Variants in KIF13A observed in about 807,000 individuals in gnomAD.
KIF13A encodes kinesin-like protein KIF13A.
In KIF13A, 79 loss-of-function variants were observed where a neutral mutation model predicts 212.2. The ratio of observed to expected loss-of-function variants is 0.37; its 90% CI spans 0.31 to 0.45. The LOEUF (loss-of-function observed/expected upper bound fraction) is 0.45, where lower values mean the gene tolerates loss of function less well. Ranked by LOEUF, KIF13A falls within the 20% of genes least tolerant of loss-of-function variation. KIF13A has a pLI of 1.00. For missense variants in KIF13A, 1,901 were observed against 2,209.0 expected (o/e 0.86, Z 2.79); for synonymous variants, 789 against 808.6 (o/e 0.98, Z 0.41).
intron 4 of KIF13A, among the ~76,000 whole-genome samples, chr6:17,863,361 A>G (rs1769021147): frequency 6.6e-6 from 1 of 150,768 alleles, no homozygotes; most frequent in South Asian, 2.1e-4. Flanking sequence ...CTATTATAAG[A>G]AAAATACTTT....
intron 4 of KIF13A, among the ~76,000 whole-genome samples, chr6:17,865,980 AAGG>A (rs555428717): frequency 1.5e-3 from 221 of 152,282 alleles, no homozygotes; most frequent in Admixed American, 3.6e-3. Flanking sequence ...CTGATTCACC[AAGG>A]AGGAGGTCAT....
Position 17,799,582 on chromosome 6 carries a change from C to T in KIF13A, c.2617-143G>A. The T allele has an allele frequency of 2.9e-6, 2 of 685,790 alleles. No individual in the cohort carries two copies. The highest frequency in any genetic ancestry group is 3.6e-5 in the African/African-American group (2 of 55,590). The allele number at this position is 685,790 out of a possible 1,614,324, so 42.5% of individuals were successfully genotyped here. A position where few individuals can be genotyped will look rare whatever the true frequency, so the allele number is the denominator to read the frequency against. ...AAATATTATATCTGACACCGTGACA[C>T]TAAGGGTTGTATCGATAATGAAATC... is the stretch of plus-strand genomic sequence containing the variant. On this transcript the variant is annotated intron_variant, in intron 21 of 38. Transcript: ENST00000259711. This position sits in a 1 kb window ranked among gnomAD's most constrained non-coding sequence, Gnocchi z 4.4.
chr6:17,876,675 T>C (rs1770589979), intron 3 of KIF13A, among the ~76,000 whole-genome samples: 1 of 151,884 alleles, frequency 6.6e-6, no homozygotes, highest in South Asian at 2.1e-4. Flanking sequence ...GGTCTCCCTC[T>C]GTTGCCCAGA....
At chr6:17,815,173 T>C (rs1213972907) in intron 17 of KIF13A, among the ~76,000 whole-genome samples, 1 of 152,246 alleles carries the variant, frequency 6.6e-6, no homozygotes, top group Non-Finnish European at 1.5e-5. Flanking sequence ...ATTTCTTCTA[T>C]GTATTTCAAA....
chr6:17,886,288 G>C lies in KIF13A; in HGVS notation c.159+11880C>G, dbSNP rs556716976. Among the ~76,000 whole-genome samples the C allele has an allele frequency of 6.6e-6, 1 of 152,274 alleles. No homozygotes were observed. Among genetic ancestry groups the C allele is most frequent in the African/African-American group, 2.4e-5 (1 of 41,546 alleles). ...CCCTCTGCCTCACTGCACCATGCCA[G>C]GTACATAGAGCCACAGAGAGGAGAA... On this transcript the variant is annotated intron_variant, in intron 3 of 38. Transcript: ENST00000259711. The surrounding 1 kb of genome is among the most constrained non-coding windows in gnomAD (Gnocchi z 5.6).
At chr6:17,760,337 CG>C, downstream of KIF13A, 1 of 152,364 alleles carries the variant, frequency 6.6e-6, no homozygotes, top group East Asian at 1.9e-4. Context: ...TGCTTTGTAA[CG>C]AAGTCCAGTA....
chr6:17,869,676 T>C (rs559391129), intron 4 of KIF13A, among the ~76,000 whole-genome samples: 2 of 152,338 alleles, frequency 1.3e-5, no homozygotes, highest in South Asian at 4.1e-4. Flanking sequence ...AATCAGAAAG[T>C]GGGAGCGTGG....
downstream of KIF13A, chr6:17,759,277 A>G (rs760618976): frequency 2.6e-5 from 4 of 152,104 alleles, no homozygotes; most frequent in Non-Finnish European, 5.9e-5. Context: ...TTTGTATTCT[A>G]AAACACATAC....
At position 17,823,445 on chromosome 6, in the gene KIF13A, CCTCT is replaced by C. The variant is rs569607721; in HGVS notation, c.1786+2319_1786+2322del. On this transcript the variant is annotated intron_variant, in intron 16 of 38. Coordinates refer to ENST00000259711, the MANE Select transcript of KIF13A (RefSeq NM_022113.6). ...CCACTTCCCCCTCCCTGCCTTCCTCCCTCTCTTTTTCCTTCCTTCCTTTCTTTCC... is the reference window on the plus strand; with the variant it reads ...CCACTTCCCCCTCCCTGCCTTCCTCCCTTTTTCCTTCCTTCCTTTCTTTCC... 6.1e-3 allele frequency among the ~76,000 whole-genome samples: 899 copies of C among 147,524 alleles called. 11 individuals carry two copies. Among genetic ancestry groups the C allele is most frequent in the African/African-American group, 0.021 (832 of 40,150 alleles).
chr6:17,913,812 G>A (rs905650615), intron 2 of KIF13A, among the ~76,000 whole-genome samples: 4 of 152,158 alleles, frequency 2.6e-5, no homozygotes, highest in Non-Finnish European at 5.9e-5. Context: ...CGCAAAATGG[G>A]ACAGAAAGGC....
At chr6:17,938,848 C>A (rs1454430125) in intron 2 of KIF13A, among the ~76,000 whole-genome samples, 2 of 143,658 alleles carry the variant, frequency 1.4e-5, no homozygotes, top group African/African-American at 5.2e-5. Flanking sequence ...TACCCAGCAA[C>A]GAAAAAGTTG....
Position 17,837,545 on chromosome 6 carries a change from G to A in KIF13A, c.869C>T (p.Ala290Val). The change falls in exon 10 of 39, where the codon GCT becomes GTT. Residue 290 changes from alanine (A) to valine (V), a missense_variant. Around this residue, in one of 5 missense-constraint regions of KIF13A, gnomAD observed 506 missense variants for 637.4 expected, o/e 0.79. Transcript: ENST00000259711. The surrounding 1 kb of genome is among the most constrained non-coding windows in gnomAD (Gnocchi z 5.4). ...TTTACCCTTGCCAGCTGCCTGGTCA[G>A]CCAGTGATGATATAACCAACCCCAA... is the stretch of plus-strand genomic sequence containing the variant. ...TTLGLVISSLADQAAGKGKSK... is the reference protein window; with the variant it reads ...TTLGLVISSLVDQAAGKGKSK... 1.9e-6 allele frequency: 3 copies of A among 1,609,216 alleles called. No individual in the cohort carries two copies. Among genetic ancestry groups the A allele is most frequent in the Non-Finnish European group, 1.7e-6 (2 of 1,177,650 alleles).
In KIF13A at chr6:17,809,282, A is replaced by G. The variant is rs1763231936; in HGVS notation, c.2001-352T>C. 6.6e-6 allele frequency among the ~76,000 whole-genome samples: 1 copy of G among 152,194 alleles called. No homozygotes were observed. The highest frequency in any genetic ancestry group is 1.5e-5 in the Non-Finnish European group (1 of 68,020). ...GTGTGCTGAGGGAGGGTGGTGGGGC[A>G]GGGAGGGGTTGGCAGATGAGAGAAA... is the stretch of plus-strand genomic sequence containing the variant. On this transcript the variant is annotated intron_variant, in intron 17 of 38. Coordinates refer to ENST00000259711, the MANE Select transcript of KIF13A (RefSeq NM_022113.6). The surrounding 1 kb of genome is among the most constrained non-coding windows in gnomAD (Gnocchi z 4.7).
Position 17,987,519 on chromosome 6 carries a change from C to G in KIF13A, c.-56G>C. On this transcript the variant is annotated 5_prime_UTR_variant, in exon 1 of 39. The change abolishes the stop of an existing upstream ORF in the 5' untranslated region. Transcript: ENST00000259711. This position sits in a 1 kb window ranked among gnomAD's most constrained non-coding sequence, Gnocchi z 7.7. The stretch of plus-strand genomic sequence containing the variant: ...GCCCGCTCGGCCTTAGGCGGCCCCT[C>G]ACGCGCGGCGCCGCCGCCGCTGCAG... The G allele has an allele frequency of 1.0e-6, 1 of 1,004,240 alleles. No homozygotes were observed. The highest frequency in any genetic ancestry group is 3.9e-5 in the South Asian group (1 of 25,812). The allele number at this position is 1,004,240 out of a possible 1,614,324, so 62.2% of individuals were successfully genotyped here.
chr6:17,839,170 G>A lies in KIF13A; in HGVS notation c.831-1587C>T, dbSNP rs1047240699. On this transcript the variant is annotated intron_variant, in intron 9 of 38. Transcript: ENST00000259711. This position sits in a 1 kb window ranked among gnomAD's most constrained non-coding sequence, Gnocchi z 4.3. ...GTACAATGTATGTTATTCAGGTGAC[G>A]GATACCTTAAAAGCCCCGACTTGAC... Among the ~76,000 whole-genome samples the A allele has an allele frequency of 6.6e-6, 1 of 152,094 alleles. No individual in the cohort carries two copies. Among genetic ancestry groups the A allele is most frequent in the Non-Finnish European group, 1.5e-5 (1 of 68,022 alleles).
In KIF13A at chr6:17,951,437, T is replaced by TTA. The variant is rs1561796142; in HGVS notation, c.146+35616_146+35617insTA. 8.4e-6 allele frequency: 4 copies of TTA among 477,452 alleles called. No homozygotes were observed. Among genetic ancestry groups the TTA allele is most frequent in the East Asian group, 3.5e-5 (1 of 28,746 alleles). 29.6% of individuals were successfully genotyped at this position (477,452 alleles called of 1,614,324 possible). Reference sequence around the variant, plus strand: ...TGAGCCACTGTGACCAGCCTCAATTTAAAAAAAAAAAAAAAACAGCTTTAA... The same window carrying TTA: ...TGAGCCACTGTGACCAGCCTCAATTTTAAAAAAAAAAAAAAAAACAGCTTTAA... On this transcript the variant is annotated intron_variant, in intron 2 of 38. Transcript: ENST00000259711. This position sits in a 1 kb window ranked among gnomAD's most constrained non-coding sequence, Gnocchi z 4.9.
In KIF13A at chr6:17,982,456, A is replaced by G; in HGVS notation, c.146+4598T>C. On this transcript the variant is annotated intron_variant, in intron 2 of 38. Coordinates refer to ENST00000259711, the MANE Select transcript of KIF13A (RefSeq NM_022113.6). The surrounding 1 kb of genome is among the most constrained non-coding windows in gnomAD (Gnocchi z 5.1). ...TCAGACAGGGATACCGCTGGTGAAT[A>G]AACTAAAAAATACATACAAAGTTTA... 1 of 983,716 alleles carries G rather than the reference A, an allele frequency of 1.0e-6. No individual in the cohort carries two copies. Among genetic ancestry groups the G allele is most frequent in the Non-Finnish European group, 1.2e-6 (1 of 828,368 alleles). 60.9% of individuals were successfully genotyped at this position (983,716 alleles called of 1,614,324 possible).
intron 35 of KIF13A, among the ~76,000 whole-genome samples, chr6:17,774,775 A>C (rs537187404): frequency 1.1e-4 from 16 of 147,186 alleles, no homozygotes; most frequent in Admixed American, 2.7e-4. Context: ...CTCTGTCTCA[A>C]AAAAAAAAAA....
rs79609529 is a variant in KIF13A at position 17,918,257 on chromosome 6, G to A, written c.147-20077C>T. Among the ~76,000 whole-genome samples the A allele has an allele frequency of 1.2e-4, 18 of 152,126 alleles. No homozygotes were observed. Among genetic ancestry groups the A allele is most frequent in the Non-Finnish European group, 1.8e-4 (12 of 68,008 alleles). ...TATCGGGTCTGGCATAGTGCTTGAC[G>A]TGCAGCAGAGGATAAATGTTTACTG... On this transcript the variant is annotated intron_variant, in intron 2 of 38. Transcript: ENST00000259711. This position sits in a 1 kb window ranked among gnomAD's most constrained non-coding sequence, Gnocchi z 4.8.
Sources: gnomAD v4.1 joint callset for allele counts (sites outside exome capture counted in the v4.1 genomes callset) on GRCh38, gnomAD v4.1.1 for gene constraint, gnomAD v4.1.1 regional missense constraint, Gnocchi (gnomAD v3.1) non-coding constraint, MANE v1.5 for transcripts, NCBI Gene and HGNC (gene_info 2026-07-23, HGNC 2026-07-21) for gene names.